Variants in LHFPL4 observed in about 807,000 individuals in gnomAD.
LHFPL4 encodes the protein LHFPL tetraspan subfamily member 4.
Under a neutral mutation model 20.0 loss-of-function variants are expected in LHFPL4, and 6 were observed. The observed-to-expected ratio is 0.30, with a 90% CI of 0.16 to 0.59. The LOEUF is 0.59. Ranked by LOEUF, LHFPL4 falls within the 20% of genes least tolerant of loss-of-function variation. The pLI is 0.88. For missense variants in LHFPL4, 215 were observed against 331.2 expected (o/e 0.65, Z 2.72); for synonymous variants, 129 against 143.8 (o/e 0.90, Z 0.74).
intron 2 of LHFPL4, among the ~76,000 whole-genome samples, chr3:9,518,298 T>C (rs2046316674): frequency 6.6e-6 from 1 of 152,198 alleles, no homozygotes; most frequent in Non-Finnish European, 1.5e-5. Flanking sequence ...AGATTATTGA[T>C]TTGACTTGCT....
intron 2 of LHFPL4, among the ~76,000 whole-genome samples, chr3:9,547,542 C>T (rs916417232): frequency 6.6e-6 from 1 of 152,218 alleles, no homozygotes; most frequent in East Asian, 1.9e-4. Flanking sequence ...CCACCTTTCA[C>T]TAAATGTGTG....
At chr3:9,549,111 AATTT>A (rs1261365338) in intron 2 of LHFPL4, among the ~76,000 whole-genome samples, 1 of 152,066 alleles carries the variant, frequency 6.6e-6, no homozygotes, top group Non-Finnish European at 1.5e-5. Flanking sequence ...ATTTTTTTCT[AATTT>A]ATTTAAGCCA....
At chr3:9,530,310 A>G (rs927590641) in intron 2 of LHFPL4, among the ~76,000 whole-genome samples, 2 of 152,208 alleles carry the variant, frequency 1.3e-5, no homozygotes, top group African/African-American at 4.8e-5. Flanking sequence ...CCTTAGCCAG[A>G]TCTTCTAGTG....
chr3:9,499,102 T>A lies in LHFPL4; in HGVS notation c.*3109A>T, dbSNP rs1046945847. 2.0e-5 allele frequency: 3 copies of A among 153,460 alleles called. No individual in the cohort carries two copies. The highest frequency in any genetic ancestry group is 4.3e-5 in the Non-Finnish European group (3 of 69,180). The allele number at this position is 153,460 out of a possible 1,614,324, so 9.5% of individuals were successfully genotyped here. A position where few individuals can be genotyped will look rare whatever the true frequency, so the allele number is the denominator to read the frequency against. On this transcript the variant is annotated 3_prime_UTR_variant, in exon 4 of 4. Coordinates refer to ENST00000287585, the MANE Select transcript of LHFPL4 (RefSeq NM_198560.3). ...GGTCACAGTTAGGGGGGGACTTCTC[T>A]TGGGACCTGAAGCCGGAAGGCTCTA...
intron 2 of LHFPL4, among the ~76,000 whole-genome samples, chr3:9,519,010 T>C (rs2046321283): frequency 6.6e-6 from 1 of 152,038 alleles, no homozygotes; most frequent in Admixed American, 6.6e-5. Context: ...CGATGTCAGC[T>C]CACTACAACC....
intron 2 of LHFPL4, among the ~76,000 whole-genome samples, chr3:9,513,235 G>A (rs1029881796): frequency 3.9e-5 from 6 of 152,136 alleles, no homozygotes; most frequent in Non-Finnish European, 8.8e-5. Flanking sequence ...GCTGGGATTA[G>A]AGGCGTGAGC....
intron 2 of LHFPL4, among the ~76,000 whole-genome samples, chr3:9,548,506 GCT>G (rs1483408463): frequency 1.3e-5 from 2 of 152,092 alleles, no homozygotes; most frequent in Non-Finnish European, 2.9e-5. Context: ...CATTCAGGAT[GCT>G]CTCTCATACC....
At chr3:9,526,816 C>G (rs2046378636) in intron 2 of LHFPL4, among the ~76,000 whole-genome samples, 1 of 151,874 alleles carries the variant, frequency 6.6e-6, no homozygotes, top group Non-Finnish European at 1.5e-5. Flanking sequence ...GGCTGACAGC[C>G]AAAAGAAGGG....
intron 2 of LHFPL4, among the ~76,000 whole-genome samples, chr3:9,523,135 C>T (rs868626333): frequency 1.4e-5 from 2 of 139,794 alleles, no homozygotes; most frequent in African/African-American, 5.3e-5. Context: ...AGCAAGCAAG[C>T]GAGCCAGGCA....
chr3:9,540,318 C>A (rs533946279), intron 2 of LHFPL4, among the ~76,000 whole-genome samples: 3 of 152,134 alleles, frequency 2.0e-5, no homozygotes, highest in Admixed American at 6.6e-5. Flanking sequence ...GCCACAGAAC[C>A]AAATGTTTAG....
intron 2 of LHFPL4, among the ~76,000 whole-genome samples, chr3:9,533,781 CA>C (rs963237447): frequency 1.4e-5 from 2 of 146,458 alleles, no homozygotes; most frequent in South Asian, 2.2e-4. Context: ...GACTCTGTCT[CA>C]AAAAAAAATA....
intron 2 of LHFPL4, among the ~76,000 whole-genome samples, chr3:9,521,550 G>A (rs934763202): frequency 1.1e-4 from 16 of 151,798 alleles, no homozygotes; most frequent in African/African-American, 2.7e-4. Flanking sequence ...ACAGGGGCCC[G>A]CCACCACGCC....
At position 9,500,455 on chromosome 3, in the gene LHFPL4, G is replaced by C. The variant is rs1046845293; in HGVS notation, c.*1756C>G. On this transcript the variant is annotated 3_prime_UTR_variant, in exon 4 of 4. Coordinates refer to ENST00000287585, the MANE Select transcript of LHFPL4 (RefSeq NM_198560.3). ...AAGTGGAGGAGTGAAGTCGGGACTT[G>C]GTAAGTTCCAGGTGGCAGGAACCCA... 2 of 152,338 alleles carry C rather than the reference G, an allele frequency of 1.3e-5. No individual in the cohort carries two copies. The highest frequency in any genetic ancestry group is 4.8e-5 in the African/African-American group (2 of 41,452). 9.4% of individuals were successfully genotyped at this position (152,338 alleles called of 1,614,324 possible). A position where few individuals can be genotyped will look rare whatever the true frequency, so the allele number is the denominator to read the frequency against.
intron 2 of LHFPL4, among the ~76,000 whole-genome samples, chr3:9,548,702 G>T (rs1464146124): frequency 6.6e-6 from 1 of 152,180 alleles, no homozygotes; most frequent in Non-Finnish European, 1.5e-5. Context: ...GCTCACACTT[G>T]ATTTATCTTT....
intron 2 of LHFPL4, among the ~76,000 whole-genome samples, chr3:9,545,389 G>C (rs1475294310): frequency 6.6e-6 from 1 of 152,160 alleles, no homozygotes; most frequent in Non-Finnish European, 1.5e-5. Context: ...ACAAGACCCA[G>C]GGCAATGTGC....
chr3:9,508,853 C>T (rs1435519874), intron 2 of LHFPL4, among the ~76,000 whole-genome samples: 1 of 152,212 alleles, frequency 6.6e-6, no homozygotes, highest in Non-Finnish European at 1.5e-5. Flanking sequence ...CGGGTGCGCT[C>T]CTGCCTCCCT....
chr3:9,523,983 T>G lies in LHFPL4; in HGVS notation c.407-17780A>C, dbSNP rs7622076. Reference sequence around the variant, plus strand: ...GAGTACACAATTCTAGGCTAGTATTTCCCCCCCCCCCAACACTTTAAATAT... The same window carrying G: ...GAGTACACAATTCTAGGCTAGTATTGCCCCCCCCCCCAACACTTTAAATAT... On this transcript the variant is annotated intron_variant, in intron 2 of 3. Coordinates refer to ENST00000287585, the MANE Select transcript of LHFPL4 (RefSeq NM_198560.3). 6.7e-5 allele frequency among the ~76,000 whole-genome samples: 9 copies of G among 134,154 alleles called. No individual in the cohort carries two copies. In the Admixed American group the frequency reaches 6.8e-4, roughly 10 times the overall value. 88.0% of individuals were successfully genotyped at this position (134,154 alleles called of 152,430 possible).
Position 9,500,824 on chromosome 3 carries a change from G to C in LHFPL4, c.*1387C>G, listed in dbSNP as rs1204530062. The C allele has an allele frequency of 6.6e-6, 1 of 152,316 alleles. No homozygotes were observed. Among genetic ancestry groups the C allele is most frequent in the Non-Finnish European group, 1.5e-5 (1 of 68,096 alleles). The allele number at this position is 152,316 out of a possible 1,614,324, so 9.4% of individuals were successfully genotyped here. ...AGATGGCTCTGCCGCCAGACCCACAGGGGAATGACGGGTGTTCAAAAAATA... is the reference window on the plus strand; with the variant it reads ...AGATGGCTCTGCCGCCAGACCCACACGGGAATGACGGGTGTTCAAAAAATA... On this transcript the variant is annotated 3_prime_UTR_variant, in exon 4 of 4. Transcript: ENST00000287585.
At chr3:9,525,837 T>G (rs1237642149) in intron 2 of LHFPL4, among the ~76,000 whole-genome samples, 2 of 152,226 alleles carry the variant, frequency 1.3e-5, no homozygotes, top group African/African-American at 4.8e-5. Flanking sequence ...AATTCATTGT[T>G]ACCTCATTTT....
Sources: gnomAD v4.1 joint callset for allele counts (sites outside exome capture counted in the v4.1 genomes callset) on GRCh38, gnomAD v4.1.1 for gene constraint, MANE v1.5 for transcripts, NCBI Gene and HGNC (gene_info 2026-07-23, HGNC 2026-07-21) for gene names.